Variants in BBOF1 observed in about 807,000 individuals in gnomAD.
BBOF1 encodes basal body-orientation factor 1.
Under a neutral mutation model 68.0 loss-of-function variants are expected in BBOF1, and 62 were observed. That is an observed-to-expected ratio of 0.91 (90% confidence interval 0.74 to 1.13). The LOEUF (loss-of-function observed/expected upper bound fraction) is 1.13, where lower values mean the gene tolerates loss of function less well. Ranked by LOEUF, BBOF1 falls within the 50% of genes most tolerant of loss-of-function variation. BBOF1 has a pLI of 0.00. For synonymous variants in BBOF1, 208 were observed against 198.8 expected, an observed-to-expected ratio of 1.05 and a Z score of -0.39; for missense variants, 534 against 600.1, an observed-to-expected ratio of 0.89 and a Z score of 1.15.
intron 8 of BBOF1, 122 bp downstream of exon 8, chr14:74,050,317 C>G: frequency 2.6e-6 from 3 of 1,136,816 alleles, no homozygotes; most frequent in Non-Finnish European, 3.6e-6. Flanking sequence ...CAGTAGGTTA[C>G]TTGAGGACAG....
intron 3 of BBOF1, among the ~76,000 whole-genome samples, chr14:74,030,798 A>C (rs2059548988): frequency 6.6e-6 from 1 of 151,564 alleles, no homozygotes; most frequent in Non-Finnish European, 1.5e-5. Flanking sequence ...TCTTTTCCAC[A>C]CTGTCTTCTC....
chr14:74,059,364 G>A, intron 11 of BBOF1: 1 of 456,132 alleles, frequency 2.2e-6, no homozygotes, highest in South Asian at 1.6e-5. Flanking sequence ...CTTGATTTCT[G>A]GGCCTAAAAT....
At chr14:74,077,328 C>G (rs2060623212) in intron 9 of BBOF1, among the ~76,000 whole-genome samples, 1 of 152,134 alleles carries the variant, frequency 6.6e-6, no homozygotes, top group African/African-American at 2.4e-5. Flanking sequence ...AGGCTTATCT[C>G]TCTGTGTTGT....
rs541158367 is a variant in BBOF1, at chr14:74,062,225, G to A, written c.1579-2463G>A. ...AAAAATAAATAAATGGAGAGGGTGG[G>A]CAGGGAACAATTTTTAAACAATAGT... is the stretch of plus-strand genomic sequence containing the variant. On this transcript the variant is annotated intron_variant, in intron 11 of 11. Coordinates refer to ENST00000394009, the MANE Select transcript of BBOF1 (RefSeq NM_025057.3). 2.6e-5 allele frequency among the ~76,000 whole-genome samples: 4 copies of A among 152,056 alleles called. No individual in the cohort carries two copies. The South Asian group carries it at 8.3e-4, about 32-fold the overall frequency.
At chr14:74,047,849 C>T in intron 6 of BBOF1, 81 bp from the exon 7 acceptor site, 1 of 1,230,690 alleles carries the variant, frequency 8.1e-7, no homozygotes, top group East Asian at 2.6e-5. Context: ...ATTGGGGGTG[C>T]AGGTGGTGAA....
At chr14:74,027,130 A>AGGCT (rs2059449340) in intron 2 of BBOF1, among the ~76,000 whole-genome samples, 1 of 112,598 alleles carries the variant, frequency 8.9e-6, no homozygotes, top group Non-Finnish European at 1.7e-5. Context: ...TCTGTCACCC[A>AGGCT]GGCTGGAGTG....
chr14:74,023,654 G>A (rs141453104), intron 2 of BBOF1, among the ~76,000 whole-genome samples: 1,025 of 152,158 alleles, frequency 6.7e-3, no homozygotes, highest in Non-Finnish European at 0.012. Context: ...GGTGGCTCAC[G>A]CCTGTAATCC....
intron 5 of BBOF1, among the ~76,000 whole-genome samples, chr14:74,042,459 A>G (rs780058748): frequency 3.9e-5 from 6 of 152,228 alleles, no homozygotes; most frequent in Non-Finnish European, 5.9e-5. Flanking sequence ...TTATGTAAAT[A>G]GGATTTTTAT....
intron 9 of BBOF1, among the ~76,000 whole-genome samples, chr14:74,072,779 C>G (rs575584359): frequency 1.1e-4 from 16 of 152,218 alleles, no homozygotes; most frequent in African/African-American, 3.8e-4. Context: ...CATAATATCC[C>G]TATCTATTCT....
At chr14:74,078,388 C>T in intron 10 of BBOF1, 1 of 377,578 alleles carries the variant, frequency 2.6e-6, no homozygotes, top group Non-Finnish European at 5.2e-6. Flanking sequence ...GGGTCTCGTC[C>T]TGTCTCCTAG....
chr14:74,038,331 A>G (rs1427182827), intron 4 of BBOF1, among the ~76,000 whole-genome samples: 1 of 152,256 alleles, frequency 6.6e-6, no homozygotes, highest in Non-Finnish European at 1.5e-5. Context: ...AACTCTTAAA[A>G]TAGCCTATGT....
chr14:74,058,063 C>A, intron 11 of BBOF1: 2 of 314,284 alleles, frequency 6.4e-6, no homozygotes, highest in Non-Finnish European at 9.2e-6. Context: ...TGCGGTGGTT[C>A]ACGCCTGTAA....
chr14:74,057,513 C>A, intron 11 of BBOF1: 1 of 1,376,048 alleles, frequency 7.3e-7, no homozygotes, highest in Non-Finnish European at 9.4e-7. Flanking sequence ...AGTAAACAGC[C>A]TAGCCAAAAT....
intron 4 of BBOF1, among the ~76,000 whole-genome samples, chr14:74,036,973 C>CTTTT (rs548819182): frequency 9.6e-6 from 1 of 104,404 alleles, no homozygotes; most frequent in African/African-American, 4.0e-5. Context: ...TTTCTTTTTT[C>CTTTT]TTTTTTTTTT....
chr14:74,063,254 T>C (rs1362109962), intron 11 of BBOF1, among the ~76,000 whole-genome samples: 1 of 151,700 alleles, frequency 6.6e-6, no homozygotes, highest in Non-Finnish European at 1.5e-5. Context: ...TGGTGCAATC[T>C]CGGCTCACTG....
At chr14:74,080,372 T>C (rs1425640917) in intron 10 of BBOF1, among the ~76,000 whole-genome samples, 3 of 149,364 alleles carry the variant, frequency 2.0e-5, no homozygotes, top group Admixed American at 6.6e-5. Context: ...CTCTTTCTTT[T>C]TTTTTTTTTT....
intron 5 of BBOF1, among the ~76,000 whole-genome samples, chr14:74,044,087 A>T (rs1263871036): frequency 6.6e-6 from 1 of 151,818 alleles, no homozygotes; most frequent in Non-Finnish European, 1.5e-5. Flanking sequence ...CTGTACTAAA[A>T]ATACAAAAAT....
intron 6 of BBOF1, chr14:74,046,834 C>T (rs1055225792): frequency 2.0e-5 from 3 of 152,322 alleles, no homozygotes; most frequent in African/African-American, 7.2e-5. Context: ...TGCCTGGGCT[C>T]AAGTGATCCT....
chr14:74,030,587 T>C (rs1232736088), intron 3 of BBOF1, among the ~76,000 whole-genome samples: 1 of 151,838 alleles, frequency 6.6e-6, no homozygotes. Context: ...GCTCCATCTA[T>C]TGGGTTCACA....
Sources: gnomAD v4.1 joint callset for allele counts (sites outside exome capture counted in the v4.1 genomes callset) on GRCh38, gnomAD v4.1.1 for gene constraint, MANE v1.5 for transcripts, NCBI Gene and HGNC (gene_info 2026-07-23, HGNC 2026-07-21) for gene names.